Variants in CSF1R observed in about 807,000 individuals in gnomAD.
The protein encoded by CSF1R is colony stimulating factor 1 receptor.
A neutral mutation model predicts 110.0 loss-of-function variants in CSF1R; 40 were observed. The ratio of observed to expected loss-of-function variants is 0.36; its 90% confidence interval spans 0.28 to 0.47. The LOEUF is 0.47. Ranked by LOEUF, CSF1R falls within the 20% of genes least tolerant of loss-of-function variation. The pLI is 0.99. For synonymous variants in CSF1R, 523 were observed against 503.4 expected (o/e 1.04, Z -0.52); for missense variants, 1,052 against 1,253.0 (o/e 0.84, Z 2.42).
chr5:150,068,145 T>C, intron 10 of CSF1R, 70 bp downstream of exon 10: 3 of 1,217,348 alleles, frequency 2.5e-6, no homozygotes, highest in Middle Eastern at 1.9e-4. Flanking sequence ...GGTGAATCCA[T>C]GCAGCCTGGG....
chr5:150,089,604 C>G (rs551651163), upstream of CSF1R, among the ~76,000 whole-genome samples: 1 of 152,184 alleles, frequency 6.6e-6, no homozygotes, highest in Non-Finnish European at 1.5e-5. Flanking sequence ...TTTAATAAGA[C>G]AGCGGTACTC....
At chr5:150,059,937 G>A (rs1269966370) in intron 13 of CSF1R, 75 bp from the exon 14 acceptor site, 7 of 1,510,428 alleles carry the variant, frequency 4.6e-6, no homozygotes, top group Middle Eastern at 2.4e-4. Context: ...GAGACTGGGG[G>A]CAGTGAGGCC....
chr5:150,069,122 G>A (rs766761346), intron 9 of CSF1R, among the ~76,000 whole-genome samples: 5 of 152,206 alleles, frequency 3.3e-5, no homozygotes, highest in African/African-American at 4.8e-5. Context: ...CAGCGCGGCC[G>A]CAGGCTCCTG....
rs1423252145 is a variant in CSF1R, at chr5:150,055,374, T to C, written c.2555-38A>G. ...AGATCAGGTAAGAGGCCATGCCCAT[T>C]GTCTTCTCCCCATTCCCGCACACCC... On this transcript the variant is annotated intron_variant, in intron 18 of 20. Transcript: ENST00000675795. 3 of 1,560,576 alleles carry C rather than the reference T, an allele frequency of 1.9e-6. No homozygotes were observed. The African/African-American group carries it at 4.1e-5, about 21-fold the overall frequency.
intron 1 of CSF1R, among the ~76,000 whole-genome samples, chr5:150,100,975 T>A (rs542230685): frequency 2.6e-5 from 4 of 152,318 alleles, no homozygotes; most frequent in Admixed American, 1.3e-4. Context: ...CTCTCCCCTC[T>A]TTATGGTATC....
In CSF1R at chr5:150,073,315, G is replaced by A. The variant is rs1211113814; in HGVS notation, c.1068C>T (p.Thr356=). 11 of 1,613,712 alleles carry A rather than the reference G, an allele frequency of 6.8e-6. No homozygotes were observed. The highest frequency in any genetic ancestry group is 8.5e-6 in the Non-Finnish European group (10 of 1,179,904). The change falls in exon 6 of 21, where the codon ACC becomes ACT. Residue 356 remains threonine (T), a synonymous_variant. Transcript: ENST00000675795. The part of the protein sequence containing the change: ...QPEPKLANAT[T]KDTYRHTFTL... ...ATAAGTGGTACCTGTATGTGTCCTT[G>A]GTGGTAGCATTAGCAAGCTTGGGCT...
At chr5:150,059,959 AC>A (rs1757429098) in intron 13 of CSF1R, 97 bp from the exon 14 acceptor site, 1 of 1,381,456 alleles carries the variant, frequency 7.2e-7, no homozygotes, top group African/African-American at 1.4e-5. Flanking sequence ...CTGGACTTGG[AC>A]TCAGCATAGC....
At chr5:150,094,528 G>A (rs1334848769) in intron 1 of CSF1R, 8 of 1,599,484 alleles carry the variant, frequency 5.0e-6, no homozygotes, top group Non-Finnish European at 5.9e-6. Flanking sequence ...AGGATGGCAA[G>A]AAAAGCTGGC....
At chr5:150,087,199 G>T (rs1758877281), upstream of CSF1R, among the ~76,000 whole-genome samples, 1 of 152,174 alleles carries the variant, frequency 6.6e-6, no homozygotes, top group African/African-American at 2.4e-5. Context: ...TTGGTGTATG[G>T]GGAAATATGC....
At chr5:150,058,039 A>G in intron 14 of CSF1R, 1 of 365,340 alleles carries the variant, frequency 2.7e-6, no homozygotes, top group Non-Finnish European at 5.4e-6. Flanking sequence ...CAGGCTAATT[A>G]CTAATACTTC....
intron 1 of CSF1R, among the ~76,000 whole-genome samples, chr5:150,096,523 T>C (rs1349954055): frequency 6.6e-6 from 1 of 152,178 alleles, no homozygotes. Context: ...CACAAAGATA[T>C]TGCAAGAAAA....
chr5:150,097,650 T>C (rs1368613822), intron 1 of CSF1R, among the ~76,000 whole-genome samples: 2 of 152,106 alleles, frequency 1.3e-5, no homozygotes, highest in Non-Finnish European at 2.9e-5. Context: ...AAATACTATT[T>C]ACAATAGCAC....
chr5:150,067,220 T>C (rs1464508707), intron 10 of CSF1R: 1 of 152,100 alleles, frequency 6.6e-6, no homozygotes, highest in Non-Finnish European at 1.5e-5. Flanking sequence ...TTAACCTTGC[T>C]GAGCCTCAGC....
At chr5:150,091,852 CAAAAAAAAAAAAAA>C (rs57967086) in intron 1 of CSF1R, among the ~76,000 whole-genome samples, 4 of 71,230 alleles carry the variant, frequency 5.6e-5, no homozygotes, top group East Asian at 4.3e-4. Flanking sequence ...CCCATACTAC[CAAAAAAAAAAAAAA>C]AAAAAAAAAA....
Position 150,068,299 on chromosome 5 carries a change from G to A in CSF1R, c.1542C>T (p.Leu514=), listed in dbSNP as rs1448469302. The change falls in exon 10 of 21, where the codon CTC becomes CTT. Residue 514 remains leucine, a synonymous_variant. Transcript: ENST00000675795. ...GAHTHPPDEF[L]FTPVVVACMS... is the part of the protein sequence containing the mutation. Reference sequence around the variant, plus strand: ...TGCAGGCGACCACCACTGGTGTGAAGAGGAACTCATCCGGGGGATGCGTGT... The same window carrying A: ...TGCAGGCGACCACCACTGGTGTGAAAAGGAACTCATCCGGGGGATGCGTGT... 1 of 1,612,944 alleles carries A rather than the reference G, an allele frequency of 6.2e-7. No individual in the cohort carries two copies. Among genetic ancestry groups the A allele is most frequent in the Admixed American group, 1.7e-5 (1 of 59,992 alleles).
chr5:150,061,065 G>A, intron 12 of CSF1R, 93 bp from the exon 13 acceptor site: 1 of 893,048 alleles, frequency 1.1e-6, no homozygotes, highest in Non-Finnish European at 1.8e-6. Context: ...AGACCCAGGG[G>A]AGAAAGCAGG....
chr5:150,104,901 T>C (rs957918828), intron 1 of CSF1R, among the ~76,000 whole-genome samples: 4 of 151,442 alleles, frequency 2.6e-5, no homozygotes, highest in Non-Finnish European at 2.9e-5. Context: ...TTTTTTGAGA[T>C]GGAGTTTCAT....
intron 1 of CSF1R, among the ~76,000 whole-genome samples, chr5:150,092,012 A>G (rs1219798036): frequency 1.3e-5 from 2 of 152,222 alleles, no homozygotes; most frequent in African/African-American, 4.8e-5. Context: ...AAATGCTTGA[A>G]AAGATAACTA....
chr5:150,097,004 G>A (rs1759244644), intron 1 of CSF1R, among the ~76,000 whole-genome samples: 1 of 152,202 alleles, frequency 6.6e-6, no homozygotes, highest in Non-Finnish European at 1.5e-5. Flanking sequence ...GACTCACAAT[G>A]TAAGCTCAGC....
Sources: allele counts gnomAD v4.1 joint callset (sites outside exome capture counted in the v4.1 genomes callset), GRCh38; gene constraint gnomAD v4.1.1; transcripts MANE v1.5; gene names NCBI Gene and HGNC (gene_info 2026-07-23, HGNC 2026-07-21).